Variants in ITCH observed in about 807,000 individuals in gnomAD.
ITCH encodes the protein E3 ubiquitin-protein ligase Itchy homolog.
A neutral mutation model predicts 126.8 loss-of-function variants in ITCH; 28 were observed. That is an observed-to-expected ratio of 0.22 (90% CI 0.16 to 0.30). The LOEUF is 0.30. ITCH is among the 10% of genes least tolerant of loss of function. ITCH has a pLI of 1.00. For synonymous variants in ITCH, 342 were observed against 340.0 expected, an observed-to-expected ratio of 1.01 and a Z score of -0.06; for missense variants, 631 against 1,032.4, an observed-to-expected ratio of 0.61 and a Z score of 5.33.
chr20:34,451,730 A>G (rs1985270719), intron 12 of ITCH, among the ~76,000 whole-genome samples: 1 of 152,134 alleles, frequency 6.6e-6, no homozygotes, highest in Non-Finnish European at 1.5e-5. Flanking sequence ...AAAAAAACTC[A>G]TGCACTAAAA....
intron 17 of ITCH, 91 bp downstream of exon 17, chr20:34,477,951 AT>A: frequency 6.5e-7 from 1 of 1,536,672 alleles, no homozygotes; most frequent in Non-Finnish European, 8.9e-7. Flanking sequence ...TCAATCTTAT[AT>A]TTTAGGAAAA....
In ITCH at chr20:34,511,027, C is replaced by T. The variant is rs909846826; in HGVS notation, c.*3233C>T. 1.3e-5 allele frequency: 2 copies of T among 152,220 alleles called. No homozygotes were observed. Among genetic ancestry groups the T allele is most frequent in the East Asian group, 3.9e-4 (2 of 5,182 alleles). The allele number at this position is 152,220 out of a possible 1,614,324, so 9.4% of individuals were successfully genotyped here. ...GGTTGACTCACGGAATTAAATTTTT[C>T]CTCTATTTTTATATCCTTTCCTGTT... On this transcript the variant is annotated 3_prime_UTR_variant, in exon 25 of 25. Coordinates refer to ENST00000374864, the MANE Select transcript of ITCH (RefSeq NM_031483.7).
At chr20:34,380,977 G>A (rs2038038252) in intron 2 of ITCH, among the ~76,000 whole-genome samples, 1 of 151,904 alleles carries the variant, frequency 6.6e-6, no homozygotes, top group Admixed American at 6.6e-5. Flanking sequence ...TAGTGGAGAT[G>A]GAGTTTCACC....
intron 23 of ITCH, among the ~76,000 whole-genome samples, chr20:34,495,767 G>A (rs1323535576): frequency 6.6e-6 from 1 of 151,802 alleles, no homozygotes; most frequent in East Asian, 1.9e-4. Context: ...ATGTCTGTTC[G>A]ACATACTGAT....
At chr20:34,366,307 G>A (rs1002443628) in intron 1 of ITCH, among the ~76,000 whole-genome samples, 1 of 152,034 alleles carries the variant, frequency 6.6e-6, no homozygotes, top group Non-Finnish European at 1.5e-5. Context: ...TGCAGTGACA[G>A]GACCTCCAGA....
intron 10 of ITCH, among the ~76,000 whole-genome samples, chr20:34,445,030 G>T (rs1187283364): frequency 2.0e-5 from 3 of 152,164 alleles, no homozygotes; most frequent in Non-Finnish European, 4.4e-5. Context: ...ACATTGAAAA[G>T]AAACTCAAAA....
intron 12 of ITCH, among the ~76,000 whole-genome samples, chr20:34,449,874 T>C (rs1381510112): frequency 2.0e-5 from 3 of 152,070 alleles, no homozygotes; most frequent in African/African-American, 4.8e-5. Context: ...ATTCTCAAAA[T>C]GACAAAACTA....
chr20:34,457,794 C>T (rs920919186), intron 13 of ITCH, among the ~76,000 whole-genome samples: 1 of 152,056 alleles, frequency 6.6e-6, no homozygotes, highest in Non-Finnish European at 1.5e-5. Context: ...CAAAAAAAAT[C>T]CCCAAAATTG....
At chr20:34,373,160 GA>G (rs2122995787) in intron 2 of ITCH, among the ~76,000 whole-genome samples, 1 of 152,094 alleles carries the variant, frequency 6.6e-6, no homozygotes, top group Non-Finnish European at 1.5e-5. Flanking sequence ...TTTTACTAGA[GA>G]TAGGGTTTCA....
chr20:34,408,582 A>G, intron 3 of ITCH, 69 bp from the exon 4 acceptor site: 2 of 1,398,054 alleles, frequency 1.4e-6, no homozygotes, highest in Non-Finnish European at 2.0e-6. Flanking sequence ...CCTAATTATG[A>G]AGTTAAATTG....
At chr20:34,418,564 A>G (rs79837909) in intron 6 of ITCH, among the ~76,000 whole-genome samples, 88 of 152,192 alleles carry the variant, frequency 5.8e-4, no homozygotes, top group African/African-American at 2.0e-3. Flanking sequence ...TTGCTTTACC[A>G]AATATTATTT....
chr20:34,382,722 T>TTATTAG (rs2038111350), intron 2 of ITCH, among the ~76,000 whole-genome samples: 1 of 113,064 alleles, frequency 8.8e-6, no homozygotes, highest in Non-Finnish European at 1.8e-5. Flanking sequence ...ATTCTTTTTA[T>TTATTAG]TATTACTATT....
intron 22 of ITCH, among the ~76,000 whole-genome samples, chr20:34,492,273 A>C (rs960617804): frequency 1.3e-5 from 2 of 152,156 alleles, no homozygotes; most frequent in Non-Finnish European, 2.9e-5. Flanking sequence ...GCTTGCTCCT[A>C]TAGTCCCAGC....
chr20:34,427,823 A>G (rs1253188698), intron 7 of ITCH, among the ~76,000 whole-genome samples: 1 of 152,164 alleles, frequency 6.6e-6, no homozygotes, highest in East Asian at 1.9e-4. Flanking sequence ...TCTTTGTATA[A>G]TAAGTGGGTA....
At chr20:34,405,915 C>G (rs920690483) in intron 3 of ITCH, among the ~76,000 whole-genome samples, 2 of 151,836 alleles carry the variant, frequency 1.3e-5, no homozygotes, top group East Asian at 3.9e-4. Flanking sequence ...CGGCCTATTA[C>G]ATTTTAATCA....
Position 34,479,667 on chromosome 20 carries a change from C to G in ITCH, c.1696C>G (p.Pro566Ala). ...TCTTTTGTCACATGAAGTGTTGAAC[C>G]CAATGTATTGCCTGTTTGAATATGC... Reference protein sequence around the residue: ...FFLLSHEVLNPMYCLFEYAGK... With the variant: ...FFLLSHEVLNAMYCLFEYAGK... Residue 566 changes from proline (P) to alanine (A), a missense_variant, in exon 18 of 25, where the codon CCA becomes GCA. Coordinates refer to ENST00000374864, the MANE Select transcript of ITCH (RefSeq NM_031483.7). 1 of 1,613,744 alleles carries G rather than the reference C, an allele frequency of 6.2e-7. No homozygotes were observed. Among genetic ancestry groups the G allele is most frequent in the Non-Finnish European group, 8.5e-7 (1 of 1,179,790 alleles).
chr20:34,460,622 A>C (rs1986418700), intron 13 of ITCH, among the ~76,000 whole-genome samples: 1 of 152,088 alleles, frequency 6.6e-6, no homozygotes, highest in Non-Finnish European at 1.5e-5. Context: ...TGTTTTATGG[A>C]CAAAGAACCT....
intron 19 of ITCH, 149 bp downstream of exon 19, chr20:34,480,881 A>C (rs1988687385): frequency 2.0e-6 from 2 of 980,604 alleles, no homozygotes; most frequent in Non-Finnish European, 3.0e-6. Context: ...CAATATGATA[A>C]ATTTTACAAA....
At chr20:34,466,516 G>T in intron 14 of ITCH, 1 of 458,132 alleles carries the variant, frequency 2.2e-6, no homozygotes, top group South Asian at 1.7e-5. Flanking sequence ...AATTACAGAG[G>T]TAATTTAGAT....
Sources: allele counts gnomAD v4.1 joint callset (sites outside exome capture counted in the v4.1 genomes callset), GRCh38; gene constraint gnomAD v4.1.1; transcripts MANE v1.5; gene names NCBI Gene and HGNC (gene_info 2026-07-23, HGNC 2026-07-21).